The following TAB2 variants were observed in gnomAD, a reference collection of about 807,000 sequenced individuals.
TAB2 encodes TGF-beta activated kinase 1 (MAP3K7) binding protein 2.
TAB2 carries 3 observed loss-of-function variants against 65.0 expected under a neutral mutation model. The observed-to-expected ratio is 0.05, with a 90% CI of 0.02 to 0.12. TAB2 has a LOEUF of 0.12. TAB2 is among the 10% of genes least tolerant of loss of function. The pLI, the probability that TAB2 is intolerant of heterozygous loss-of-function variation, is 1.00. For missense variants in TAB2, 623 were observed against 840.3 expected (o/e 0.74, Z 3.20); for synonymous variants, 298 against 285.1 (o/e 1.05, Z -0.46).
At chr6:149,374,245 G>A (rs546814541) in intron 2 of TAB2, among the ~76,000 whole-genome samples, 1 of 152,232 alleles carries the variant, frequency 6.6e-6, no homozygotes, top group East Asian at 1.9e-4. Context: ...TGGAGACTGG[G>A]TCTCGCTCTC....
intron 1 of TAB2, among the ~76,000 whole-genome samples, chr6:149,281,847 CA>C (rs955380675): frequency 2.7e-5 from 4 of 150,826 alleles, no homozygotes; most frequent in East Asian, 3.9e-4. Flanking sequence ...ATGTTTCCTA[CA>C]AAAAAAATAC....
intron 1 of TAB2, among the ~76,000 whole-genome samples, chr6:149,219,866 T>C (rs2114619046): frequency 6.6e-6 from 1 of 152,360 alleles, no homozygotes; most frequent in East Asian, 1.9e-4. Flanking sequence ...TTTTTTTCAA[T>C]GTCAGGACCT....
chr6:149,395,972 T>G (rs1054958759), intron 3 of TAB2, among the ~76,000 whole-genome samples: 4 of 152,152 alleles, frequency 2.6e-5, no homozygotes, highest in Non-Finnish European at 5.9e-5. Flanking sequence ...TTGCCTCTTG[T>G]CTATTCTCTC....
chr6:149,399,706 A>T (rs35410313), intron 6 of TAB2, among the ~76,000 whole-genome samples: 3,614 of 152,334 alleles, frequency 0.024, 45 homozygotes, highest in Non-Finnish European at 0.037. Context: ...TGATCCAGGC[A>T]TTAAAATGTG....
intron 1 of TAB2, among the ~76,000 whole-genome samples, chr6:149,226,135 G>A (rs1777269712): frequency 6.6e-6 from 1 of 152,082 alleles, no homozygotes; most frequent in Non-Finnish European, 1.5e-5. Flanking sequence ...TTAGATCAGT[G>A]AGAATGAATG....
chr6:149,219,927 G>C (rs1777104769), intron 1 of TAB2, among the ~76,000 whole-genome samples: 1 of 152,058 alleles, frequency 6.6e-6, no homozygotes. Context: ...TTGTTTATGT[G>C]GGTCAGATCC....
At chr6:149,325,645 T>A (rs1583090334) in intron 1 of TAB2, among the ~76,000 whole-genome samples, 1 of 152,236 alleles carries the variant, frequency 6.6e-6, no homozygotes, top group Admixed American at 6.5e-5. Flanking sequence ...AAAATTGGCA[T>A]GGATAAGATT....
chr6:149,307,753 CA>C (rs1296939630), intron 1 of TAB2, among the ~76,000 whole-genome samples: 1 of 152,156 alleles, frequency 6.6e-6, no homozygotes, highest in Non-Finnish European at 1.5e-5. Flanking sequence ...ATTTAAGGAA[CA>C]ATTTTGAATA....
intron 1 of TAB2, among the ~76,000 whole-genome samples, chr6:149,364,878 T>A (rs1056224670): frequency 2.0e-5 from 3 of 151,904 alleles, no homozygotes; most frequent in Non-Finnish European, 4.4e-5. Context: ...ATATGAAGCA[T>A]AACTTGCAGT....
At chr6:149,364,652 T>C (rs1654496219) in intron 1 of TAB2, among the ~76,000 whole-genome samples, 1 of 150,768 alleles carries the variant, frequency 6.6e-6, no homozygotes, top group Non-Finnish European at 1.5e-5. Flanking sequence ...TCATTCAATG[T>C]GTGGTTGGTA....
At chr6:149,316,965 C>A (rs560936148), upstream of TAB2, among the ~76,000 whole-genome samples, 32 of 151,620 alleles carry the variant, frequency 2.1e-4, no homozygotes, top group Non-Finnish European at 4.4e-4. Flanking sequence ...GGGGGTGTGT[C>A]CCGGACCGCA....
chr6:149,284,201 T>A (rs1350892025), intron 1 of TAB2, among the ~76,000 whole-genome samples: 1 of 152,140 alleles, frequency 6.6e-6, no homozygotes, highest in East Asian at 1.9e-4. Context: ...ACCACGGGCT[T>A]TGTGCTGCAG....
chr6:149,224,550 T>C (rs1562378709), intron 1 of TAB2, among the ~76,000 whole-genome samples: 1 of 152,192 alleles, frequency 6.6e-6, no homozygotes, highest in Non-Finnish European at 1.5e-5. Context: ...TTAGTATAAC[T>C]TGTGGCACCA....
chr6:149,273,889 T>C (rs1172575213), intron 1 of TAB2, among the ~76,000 whole-genome samples: 1 of 152,214 alleles, frequency 6.6e-6, no homozygotes, highest in Non-Finnish European at 1.5e-5. Context: ...GAGTTTAAAC[T>C]GAACTAATTT....
intron 1 of TAB2, among the ~76,000 whole-genome samples, chr6:149,238,479 C>G (rs1402369693): frequency 6.6e-6 from 1 of 152,168 alleles, no homozygotes; most frequent in Non-Finnish European, 1.5e-5. Context: ...AAACTTCCTG[C>G]AATTAAGACT....
chr6:149,234,881 A>AAAAAAAAAAAAC (rs553505517), intron 1 of TAB2, among the ~76,000 whole-genome samples: 1 of 147,860 alleles, frequency 6.8e-6, no homozygotes, highest in Non-Finnish European at 1.5e-5. Context: ...AAAAAAAAAA[A>AAAAAAAAAAAAC]CACACTCTTT....
intron 3 of TAB2, among the ~76,000 whole-genome samples, chr6:149,383,485 GCA>G (rs1343252327): frequency 6.6e-6 from 1 of 152,146 alleles, no homozygotes; most frequent in Non-Finnish European, 1.5e-5. Context: ...ATCTGTGTGT[GCA>G]CACTGTTTTG....
chr6:149,224,507 C>T (rs552891704), intron 1 of TAB2, among the ~76,000 whole-genome samples: 1 of 152,288 alleles, frequency 6.6e-6, no homozygotes, highest in Non-Finnish European at 1.5e-5. Flanking sequence ...AATGATGGAT[C>T]CTGTTATGCT....
chr6:149,322,948 A>AT (rs1157040598), intron 1 of TAB2, among the ~76,000 whole-genome samples: 9 of 152,144 alleles, frequency 5.9e-5, no homozygotes, highest in Non-Finnish European at 1.0e-4. Context: ...TGCAATACTT[A>AT]TTTTCATTTT....
Sources: gnomAD v4.1 joint callset for allele counts (sites outside exome capture counted in the v4.1 genomes callset) on GRCh38, gnomAD v4.1.1 for gene constraint, MANE v1.5 for transcripts, NCBI Gene and HGNC (gene_info 2026-07-23, HGNC 2026-07-21) for gene names.